Variants in CDC73 observed in about 807,000 individuals in gnomAD.
CDC73 encodes parafibromin.
In CDC73, 21 loss-of-function variants were observed where a neutral mutation model predicts 83.7. The ratio of observed to expected loss-of-function variants is 0.25; its 90% CI spans 0.18 to 0.36. The LOEUF (loss-of-function observed/expected upper bound fraction) is 0.36, where lower values mean the gene tolerates loss of function less well. Among genes scored for constraint, CDC73 ranks in the 10% least tolerant of loss-of-function variants. The probability of loss-of-function intolerance (pLI) is 1.00; values close to 1 mark genes in which losing one functional copy is unlikely to be tolerated. For missense variants in CDC73, 342 were observed against 653.3 expected (o/e 0.52, Z 5.19); for synonymous variants, 224 against 212.9 (o/e 1.05, Z -0.45).
rs1329970032 is a variant in CDC73, at chr1:193,250,723, T to C, written c.*11T>C. The C allele has an allele frequency of 6.2e-7, 1 of 1,605,800 alleles. No homozygotes were observed. Among genetic ancestry groups the C allele is most frequent in the Non-Finnish European group, 8.5e-7 (1 of 1,173,082 alleles). ...CACTTGAGATTCTGAATTATTTGGC[T>C]CCTCCATTTCTGGAAATTGAGACTC... On this transcript the variant is annotated 3_prime_UTR_variant, in exon 17 of 17. Transcript: ENST00000367435.
At chr1:193,237,569 T>G (rs940623569) in intron 15 of CDC73, among the ~76,000 whole-genome samples, 1 of 152,158 alleles carries the variant, frequency 6.6e-6, no homozygotes, top group Non-Finnish European at 1.5e-5. Flanking sequence ...GAACGTGGCC[T>G]TTAATCAACT....
intron 10 of CDC73, among the ~76,000 whole-genome samples, chr1:193,188,628 C>A (rs988995126): frequency 6.6e-6 from 1 of 152,034 alleles, no homozygotes; most frequent in East Asian, 1.9e-4. Context: ...ACATTCCCTA[C>A]CCCTTTCTCC....
chr1:193,228,564 T>G (rs529964564), intron 13 of CDC73, among the ~76,000 whole-genome samples: 15 of 152,170 alleles, frequency 9.9e-5, no homozygotes, highest in Admixed American at 4.6e-4. Context: ...TGCAATTCAA[T>G]TAAGAAACAA....
rs953225352 is a variant in CDC73, at chr1:193,162,348, A to G, written c.972+9904A>G. ...ATACTATATACTATATATTATATAT[A>G]CATATATATTATATATAGTGTATAT... On this transcript the variant is annotated intron_variant, in intron 10 of 16. Coordinates refer to ENST00000367435, the MANE Select transcript of CDC73 (RefSeq NM_024529.5). Among the ~76,000 whole-genome samples, 225 of 138,206 alleles carry G rather than the reference A, an allele frequency of 1.6e-3. 4 individuals carry two copies. Among genetic ancestry groups the G allele is most frequent in the African/African-American group, 5.7e-3 (210 of 36,706 alleles). 90.7% of individuals were successfully genotyped at this position (138,206 alleles called of 152,430 possible). A position where few individuals can be genotyped will look rare whatever the true frequency, so the allele number is the denominator to read the frequency against.
intron 10 of CDC73, among the ~76,000 whole-genome samples, chr1:193,188,897 C>T (rs903689076): frequency 2.0e-5 from 3 of 151,646 alleles, no homozygotes; most frequent in Admixed American, 1.3e-4. Flanking sequence ...ATGTACTTAA[C>T]TGGAATTTAC....
At chr1:193,144,354 C>T (rs1317264970) in intron 7 of CDC73, among the ~76,000 whole-genome samples, 2 of 151,720 alleles carry the variant, frequency 1.3e-5, no homozygotes, top group East Asian at 3.9e-4. Flanking sequence ...ATGTTAATCA[C>T]CTGTAATTCT....
chr1:193,249,948 G>A (rs1678019860), intron 16 of CDC73, 77 bp downstream of exon 16: 3 of 1,379,170 alleles, frequency 2.2e-6, no homozygotes, highest in Non-Finnish European at 3.1e-6. Context: ...AAGTTCCATA[G>A]AGTTGTCAGT....
Position 193,252,780 on chromosome 1 carries a change from T to A in CDC73, c.*2068T>A. 1 of 231,836 alleles carries A rather than the reference T, an allele frequency of 4.3e-6. No homozygotes were observed. Among genetic ancestry groups the A allele is most frequent in the East Asian group, 6.1e-5 (1 of 16,362 alleles). The allele number at this position is 231,836 out of a possible 1,614,324, so 14.4% of individuals were successfully genotyped here. On this transcript the variant is annotated 3_prime_UTR_variant, in exon 17 of 17. Transcript: ENST00000367435. ...AACAAAAATTTTCAGCCACTCCCAT[T>A]TATTCTCCCATGACATGGTCCTATA...
intron 11 of CDC73, among the ~76,000 whole-genome samples, chr1:193,207,703 C>T (rs574760432): frequency 2.6e-5 from 4 of 152,224 alleles, no homozygotes; most frequent in East Asian, 3.9e-4. Context: ...CCCTGAAAAT[C>T]GTTGTTATTC....
At chr1:193,236,097 G>A (rs1270893773) in intron 14 of CDC73, among the ~76,000 whole-genome samples, 159 bp from the exon 15 acceptor site, 1 of 152,204 alleles carries the variant, frequency 6.6e-6, no homozygotes, top group African/African-American at 2.4e-5. Context: ...TATTGAAAAG[G>A]TGGTAAGTAC....
rs528526601 is a variant in CDC73, at chr1:193,161,404, A to G, written c.972+8960A>G. Among the ~76,000 whole-genome samples, 6 of 151,020 alleles carry G rather than the reference A, an allele frequency of 4.0e-5. No homozygotes were observed. The South Asian group carries it at 1.2e-3, about 31-fold the overall frequency. On this transcript the variant is annotated intron_variant, in intron 10 of 16. Coordinates refer to ENST00000367435, the MANE Select transcript of CDC73 (RefSeq NM_024529.5). ...TTTGTTTTAATTAGAGACAAAAGTC[A>G]TACCATAGAACTCAGATAACTCACT...
chr1:193,188,649 T>C (rs189611407), intron 10 of CDC73, among the ~76,000 whole-genome samples: 29 of 152,270 alleles, frequency 1.9e-4, no homozygotes, highest in Admixed American at 1.6e-3. Context: ...AGGAAAGGAC[T>C]AAATAATTAT....
At chr1:193,218,839 C>G (rs766888798) in intron 13 of CDC73, among the ~76,000 whole-genome samples, 1 of 152,190 alleles carries the variant, frequency 6.6e-6, no homozygotes, top group Non-Finnish European at 1.5e-5. Context: ...CCATTCTGGA[C>G]ATAGGCCTTG....
chr1:193,152,766 G>GTTTTTA (rs1676136957), intron 10 of CDC73, among the ~76,000 whole-genome samples: 1 of 151,940 alleles, frequency 6.6e-6, no homozygotes, highest in Non-Finnish European at 1.5e-5. Context: ...AATATCTTTT[G>GTTTTTA]TTTTTATTTT....
At chr1:193,198,515 G>A (rs1677039578) in intron 10 of CDC73, among the ~76,000 whole-genome samples, 1 of 152,180 alleles carries the variant, frequency 6.6e-6, no homozygotes, top group Non-Finnish European at 1.5e-5. Context: ...AAACCTGCAG[G>A]TGCCTTGATC....
chr1:193,204,355 T>C (rs1446713714), intron 11 of CDC73, among the ~76,000 whole-genome samples: 1 of 150,024 alleles, frequency 6.7e-6, no homozygotes, highest in Non-Finnish European at 1.5e-5. Flanking sequence ...ACTGGCGCCA[T>C]CTCATCTCAC....
intron 10 of CDC73, among the ~76,000 whole-genome samples, chr1:193,159,489 G>A (rs1488577229): frequency 1.3e-5 from 2 of 152,092 alleles, no homozygotes; most frequent in Non-Finnish European, 1.5e-5. Flanking sequence ...TCCTGCCTCA[G>A]CCTCCCAAGT....
intron 3 of CDC73, among the ~76,000 whole-genome samples, chr1:193,132,836 T>C (rs1675719087): frequency 6.6e-6 from 1 of 152,016 alleles, no homozygotes. Context: ...AGCAAATGAT[T>C]TTTCTTTTTA....
intron 15 of CDC73, among the ~76,000 whole-genome samples, chr1:193,242,784 G>C (rs535810369): frequency 3.3e-4 from 50 of 152,176 alleles, no homozygotes; most frequent in Middle Eastern, 3.4e-3. Flanking sequence ...GCACCTCTTT[G>C]ATCTCTTTTG....
Sources: allele counts gnomAD v4.1 joint callset (sites outside exome capture counted in the v4.1 genomes callset), GRCh38; gene constraint gnomAD v4.1.1; transcripts MANE v1.5; gene names NCBI Gene and HGNC (gene_info 2026-07-23, HGNC 2026-07-21).